PEMT: variants seen among roughly 807,000 people sequenced by gnomAD.
PEMT encodes the protein phosphatidylethanolamine N-methyltransferase.
In PEMT, 23 loss-of-function variants were observed where a neutral mutation model predicts 27.4. The ratio of observed to expected loss-of-function variants is 0.84; its 90% CI spans 0.60 to 1.19. PEMT has a LOEUF of 1.19. Among genes scored for constraint, PEMT ranks in the 50% most tolerant of loss-of-function variants. The pLI is 0.00. For missense variants in PEMT, 307 were observed against 310.1 expected (o/e 0.99, Z 0.07); for synonymous variants, 137 against 139.1 (o/e 0.98, Z 0.11).
intron 3 of PEMT, among the ~76,000 whole-genome samples, chr17:17,519,389 G>A (rs1907097689): frequency 6.6e-6 from 1 of 152,234 alleles, no homozygotes; most frequent in African/African-American, 2.4e-5. Flanking sequence ...TGGCCCTGCT[G>A]GCTGGGCAGA....
chr17:17,541,798 G>A (rs1171486737), intron 2 of PEMT, among the ~76,000 whole-genome samples: 1 of 152,202 alleles, frequency 6.6e-6, no homozygotes, highest in Non-Finnish European at 1.5e-5. Flanking sequence ...GGGCTGCCAA[G>A]GCAGAAACGT....
chr17:17,584,728 A>G (rs1239658914), intron 1 of PEMT, among the ~76,000 whole-genome samples: 5 of 152,210 alleles, frequency 3.3e-5, no homozygotes, highest in Non-Finnish European at 5.9e-5. Flanking sequence ...AAGCCAGCCA[A>G]CCTTCACTCG....
intron 1 of PEMT, among the ~76,000 whole-genome samples, chr17:17,588,282 A>G (rs1182250824): frequency 6.6e-6 from 1 of 152,230 alleles, no homozygotes; most frequent in Non-Finnish European, 1.5e-5. Flanking sequence ...AAAGTAATAC[A>G]ATCAAAAGAT....
At chr17:17,552,939 T>C (rs1262713297) in intron 2 of PEMT, among the ~76,000 whole-genome samples, 2 of 152,178 alleles carry the variant, frequency 1.3e-5, no homozygotes, top group Admixed American at 6.5e-5. Flanking sequence ...GAGCCTTGGC[T>C]GGAGGGCGGC....
intron 5 of PEMT, chr17:17,507,113 T>G (rs1905930986): frequency 2.6e-6 from 4 of 1,535,056 alleles, no homozygotes; most frequent in Non-Finnish European, 1.8e-6. Context: ...GCAGCTGCTT[T>G]GGGTTTCCAG....
Position 17,551,157 on chromosome 17 carries a change from C to T in PEMT, c.204+25763G>A, listed in dbSNP as rs1909629802. 2.6e-5 allele frequency among the ~76,000 whole-genome samples: 4 copies of T among 152,176 alleles called. No homozygotes were observed. In the South Asian group the frequency reaches 8.3e-4, roughly 32 times the overall value. ...GTTGTTATTATGGGACCGTAATCCT[C>T]GACTGTTGATGAAGGAAATGATGTT... On this transcript the variant is annotated intron_variant, in intron 2 of 6. Coordinates refer to ENST00000255389, the MANE Select transcript of PEMT (RefSeq NM_148172.3).
intron 4 of PEMT, among the ~76,000 whole-genome samples, chr17:17,511,000 C>A (rs1417714244): frequency 1.3e-5 from 2 of 152,172 alleles, no homozygotes; most frequent in African/African-American, 2.4e-5. Flanking sequence ...CACCTCTGAT[C>A]CTGGCTCCAT....
At chr17:17,586,426 T>C (rs1263359971) in intron 1 of PEMT, among the ~76,000 whole-genome samples, 1 of 152,046 alleles carries the variant, frequency 6.6e-6, no homozygotes, top group African/African-American at 2.4e-5. Context: ...CAGATCACAC[T>C]TGGGGCCACC....
At chr17:17,507,001 G>C (rs1265547118) in intron 5 of PEMT, 7 of 677,556 alleles carry the variant, frequency 1.0e-5, no homozygotes, top group African/African-American at 3.6e-5. Context: ...CCCAAGGCCG[G>C]ATGGAGCATC....
chr17:17,564,891 G>C (rs774447934), intron 2 of PEMT, among the ~76,000 whole-genome samples: 1 of 152,184 alleles, frequency 6.6e-6, no homozygotes, highest in Non-Finnish European at 1.5e-5. Flanking sequence ...ACACACCCCT[G>C]CACTGCACAC....
chr17:17,579,216 T>C (rs1471942754), intron 1 of PEMT, among the ~76,000 whole-genome samples: 2 of 152,204 alleles, frequency 1.3e-5, no homozygotes, highest in Admixed American at 6.5e-5. Flanking sequence ...ACCAGGTCAC[T>C]TGCAGGGTGT....
intron 2 of PEMT, among the ~76,000 whole-genome samples, chr17:17,545,675 G>A (rs1443302928): frequency 6.6e-6 from 1 of 152,170 alleles, no homozygotes; most frequent in East Asian, 1.9e-4. Flanking sequence ...ACTTTTGCCT[G>A]CTTCCAAACT....
chr17:17,586,265 AAAGAAAGAAAGAAAGAAAGAAAG>A (rs1425442582), intron 1 of PEMT, among the ~76,000 whole-genome samples: 20 of 117,356 alleles, frequency 1.7e-4, no homozygotes, highest in South Asian at 2.6e-4. Flanking sequence ...AGAAAGAAAG[AAAGAAAGAAAGAAAGAAAGAAAG>A]AAAAAAAAAA....
At chr17:17,574,097 C>T (rs1222171430) in intron 2 of PEMT, among the ~76,000 whole-genome samples, 3 of 151,986 alleles carry the variant, frequency 2.0e-5, no homozygotes, top group Admixed American at 6.6e-5. Flanking sequence ...ATACTCTCCC[C>T]GGCAGCAGCC....
intron 1 of PEMT, among the ~76,000 whole-genome samples, chr17:17,590,279 G>A (rs2142770869): frequency 6.6e-6 from 1 of 152,316 alleles, no homozygotes; most frequent in Non-Finnish European, 1.5e-5. Flanking sequence ...GCACCCATCT[G>A]GCCAACGGTC....
At chr17:17,556,367 T>A (rs1378525824) in intron 2 of PEMT, among the ~76,000 whole-genome samples, 1 of 139,990 alleles carries the variant, frequency 7.1e-6, no homozygotes, top group Non-Finnish European at 1.5e-5. Flanking sequence ...CTTCCTGCTC[T>A]CTCTCTCTCA....
rs144176432 is a variant in PEMT at position 17,540,385 on chromosome 17, C to T, written c.205-17990G>A. Among the ~76,000 whole-genome samples, 332 of 152,358 alleles carry T rather than the reference C, an allele frequency of 2.2e-3. No homozygotes were observed. The Middle Eastern group carries it at 0.024, about 11-fold the overall frequency. ...CACAGGTGAAAGCACCAACTTCGGG[C>T]TGAGCACAGCACACGTGAGGGAGGG... On this transcript the variant is annotated intron_variant, in intron 2 of 6. Coordinates refer to ENST00000255389, the MANE Select transcript of PEMT (RefSeq NM_148172.3).
At chr17:17,592,107 G>A (rs1174432345), upstream of PEMT, 5 of 985,106 alleles carry the variant, frequency 5.1e-6, no homozygotes, top group East Asian at 3.4e-4. Context: ...CACACGCCCA[G>A]GGCCCCACGC....
At chr17:17,531,042 C>CA (rs753558318) in intron 2 of PEMT, among the ~76,000 whole-genome samples, 899 of 66,554 alleles carry the variant, frequency 0.014, 9 homozygotes, top group South Asian at 0.055. Context: ...GACTCCGTCT[C>CA]AAAAAAAAAA....
Sources: allele counts gnomAD v4.1 joint callset (sites outside exome capture counted in the v4.1 genomes callset), GRCh38; gene constraint gnomAD v4.1.1; transcripts MANE v1.5; gene names NCBI Gene and HGNC (gene_info 2026-07-23, HGNC 2026-07-21).